PDK1: variants seen among roughly 807,000 people sequenced by gnomAD.
PDK1 encodes the protein [Pyruvate dehydrogenase (acetyl-transferring)] kinase isozyme 1, mitochondrial.
PDK1 carries 39 observed loss-of-function variants against 54.2 expected under a neutral mutation model. The observed-to-expected ratio is 0.72, with a 90% CI of 0.56 to 0.94. The LOEUF (loss-of-function observed/expected upper bound fraction) is 0.94, where lower values mean the gene tolerates loss of function less well. PDK1 is among the 40% of genes least tolerant of loss of function. The pLI is 0.00. For missense variants in PDK1, 552 were observed against 566.0 expected (o/e 0.98, Z 0.25); for synonymous variants, 221 against 207.1 (o/e 1.07, Z -0.58).
intron 10 of PDK1, among the ~76,000 whole-genome samples, chr2:172,594,743 T>G (rs16860697): frequency 0.22 from 33,083 of 152,142 alleles, 4,986 homozygotes; most frequent in African/African-American, 0.43. Context: ...GAGATTTTCT[T>G]GTTCAGGGTG....
chr2:172,646,378 C>T, the PDK1 span, among the ~76,000 whole-genome samples: 3 of 151,780 alleles, frequency 2.0e-5, no homozygotes, highest in Non-Finnish European at 4.4e-5. Flanking sequence ...AACAAAAATC[C>T]CCTTTTTTTC....
In PDK1 at chr2:172,596,205, G is replaced by C. The variant is rs1398674225; in HGVS notation, c.*236G>C. ...TTGAACATATTTTTAAACAACTGTAGTTTTGGGCAACTTTTCACTTTGTGG... is the reference window on the plus strand; with the variant it reads ...TTGAACATATTTTTAAACAACTGTACTTTTGGGCAACTTTTCACTTTGTGG... On this transcript the variant is annotated 3_prime_UTR_variant, in exon 11 of 11. Coordinates refer to ENST00000282077, the MANE Select transcript of PDK1 (RefSeq NM_002610.5). The C allele has an allele frequency of 3.1e-6, 1 of 321,796 alleles. No homozygotes were observed. Among genetic ancestry groups the C allele is most frequent in the Non-Finnish European group, 5.7e-6 (1 of 176,156 alleles). 19.9% of individuals were successfully genotyped at this position (321,796 alleles called of 1,614,324 possible). A position where few individuals can be genotyped will look rare whatever the true frequency, so the allele number is the denominator to read the frequency against.
the PDK1 span, among the ~76,000 whole-genome samples, chr2:172,632,662 T>G: frequency 2.6e-5 from 4 of 152,122 alleles, no homozygotes; most frequent in African/African-American, 9.7e-5. Context: ...TCCTTTGTGG[T>G]ACACAAAATA....
At chr2:172,573,630 A>G (rs977855296) in intron 8 of PDK1, among the ~76,000 whole-genome samples, 8 of 148,974 alleles carry the variant, frequency 5.4e-5, no homozygotes, top group Admixed American at 2.7e-4. Flanking sequence ...TATATATTCT[A>G]TGTGTGTGTA....
chr2:172,615,572 G>A, the PDK1 span, among the ~76,000 whole-genome samples: 8 of 151,994 alleles, frequency 5.3e-5, no homozygotes, highest in African/African-American at 7.2e-5. Context: ...GCAGTGAGCC[G>A]AGATTGCACC....
intron 10 of PDK1, among the ~76,000 whole-genome samples, chr2:172,595,562 C>T (rs903279215): frequency 1.3e-5 from 2 of 152,162 alleles, no homozygotes; most frequent in Non-Finnish European, 2.9e-5. Context: ...TGTAAAATTT[C>T]AGTCCAGCAG....
chr2:172,662,595 A>G, the PDK1 span, among the ~76,000 whole-genome samples: 1 of 152,002 alleles, frequency 6.6e-6, no homozygotes, highest in Non-Finnish European at 1.5e-5. Context: ...CGTACTGATT[A>G]TAACTTATTT....
At chr2:172,712,076 G>C in the PDK1 span, among the ~76,000 whole-genome samples, 411 of 151,962 alleles carry the variant, frequency 2.7e-3, 2 homozygotes, top group African/African-American at 9.2e-3. Context: ...GACTGTTAAG[G>C]TTATAGGTTT....
At chr2:172,585,464 T>C (rs1430041831) in intron 8 of PDK1, among the ~76,000 whole-genome samples, 1 of 151,816 alleles carries the variant, frequency 6.6e-6, no homozygotes, top group African/African-American at 2.4e-5. Context: ...TAGCTGGGAC[T>C]ACAGGCATGT....
At chr2:172,618,092 A>G in the PDK1 span, among the ~76,000 whole-genome samples, 1 of 152,192 alleles carries the variant, frequency 6.6e-6, no homozygotes. Context: ...ACAGTAAATG[A>G]GACTCTGTCA....
At chr2:172,626,003 A>C in the PDK1 span, among the ~76,000 whole-genome samples, 1 of 152,166 alleles carries the variant, frequency 6.6e-6, no homozygotes. Flanking sequence ...GCAGGTAAAA[A>C]CATTTCCTAG....
chr2:172,714,035 T>C, the PDK1 span, among the ~76,000 whole-genome samples: 30 of 152,386 alleles, frequency 2.0e-4, no homozygotes, highest in African/African-American at 7.0e-4. Context: ...AATAAATGCC[T>C]GATTTTACAG....
Position 172,595,854 on chromosome 2 carries a change from G to A in PDK1, c.1196G>A (p.Arg399Lys). Reference sequence around the variant, plus strand: ...GCTCTGTCAACAGACTCAATAGAAAGACTCCCAGTGTATAACAAAGCTGCC... The same window carrying A: ...GCTCTGTCAACAGACTCAATAGAAAAACTCCCAGTGTATAACAAAGCTGCC... ...IKALSTDSIE[R>K]LPVYNKAAWK... is the part of the protein sequence containing the mutation. The change falls in exon 11 of 11, where the codon AGA becomes AAA. Residue 399 changes from arginine to lysine, a missense_variant. Transcript: ENST00000282077. The A allele has an allele frequency of 6.2e-7, 1 of 1,613,826 alleles. No homozygotes were observed. The highest frequency in any genetic ancestry group is 1.3e-5 in the African/African-American group (1 of 75,004).
chr2:172,660,742 G>T, the PDK1 span, among the ~76,000 whole-genome samples: 4 of 151,942 alleles, frequency 2.6e-5, no homozygotes, highest in Non-Finnish European at 4.4e-5. Flanking sequence ...CTTCAAATCT[G>T]TGGACACTTT....
At chr2:172,702,538 A>G in the PDK1 span, among the ~76,000 whole-genome samples, 3 of 149,762 alleles carry the variant, frequency 2.0e-5, no homozygotes, top group Non-Finnish European at 3.0e-5. Context: ...ACCCTGAACT[A>G]CAATTGTCTC....
the PDK1 span, among the ~76,000 whole-genome samples, chr2:172,704,167 CTATT>C: frequency 6.6e-6 from 1 of 152,148 alleles, no homozygotes; most frequent in South Asian, 2.1e-4. Flanking sequence ...CACTTCCCCT[CTATT>C]TATTCTTACT....
chr2:172,570,386 T>C (rs946215188), intron 7 of PDK1, among the ~76,000 whole-genome samples: 2 of 152,208 alleles, frequency 1.3e-5, no homozygotes, highest in Non-Finnish European at 2.9e-5. Flanking sequence ...AAAATATAGC[T>C]GAAACTACAT....
the PDK1 span, among the ~76,000 whole-genome samples, chr2:172,656,049 C>T: frequency 6.6e-6 from 1 of 152,114 alleles, no homozygotes; most frequent in African/African-American, 2.4e-5. Context: ...TAAACATCAC[C>T]TTATTTGTAT....
At position 172,565,061 on chromosome 2, in the gene PDK1, G is replaced by C. The variant is rs748428552; in HGVS notation, c.679G>C (p.Glu227Gln). The C allele has an allele frequency of 6.3e-7, 1 of 1,586,766 alleles. No individual in the cohort carries two copies. Among genetic ancestry groups the C allele is most frequent in the Non-Finnish European group, 8.7e-7 (1 of 1,155,484 alleles). The change falls in exon 5 of 11, where the codon GAA becomes CAA. Residue 227 changes from glutamate (E) to glutamine (Q), a missense_variant. Physicochemically the swap from Glu to Gln is conservative, Grantham distance 29. Coordinates refer to ENST00000282077, the MANE Select transcript of PDK1 (RefSeq NM_002610.5). ...GSINPNCNVLEVIKDGYENAR... is the reference protein window; with the variant it reads ...GSINPNCNVLQVIKDGYENAR... ...CATAAATCCAAACTGCAATGTACTT[G>C]AAGTTATTAAAGGTAAATACTGACA... is the stretch of plus-strand genomic sequence containing the variant.
Sources: gnomAD v4.1 joint callset for allele counts (sites outside exome capture counted in the v4.1 genomes callset) on GRCh38, gnomAD v4.1.1 for gene constraint, MANE v1.5 for transcripts, NCBI Gene and HGNC (gene_info 2026-07-23, HGNC 2026-07-21) for gene names.